EVL: variants seen among roughly 807,000 people sequenced by gnomAD.
The protein encoded by EVL is Enah/Vasp-like.
A neutral mutation model predicts 59.6 loss-of-function variants in EVL; 21 were observed. That is an observed-to-expected ratio of 0.35 (90% CI 0.25 to 0.51). The LOEUF is 0.51. Ranked by LOEUF, EVL falls within the 20% of genes least tolerant of loss-of-function variation. The pLI is 0.97. For missense variants in EVL, 462 were observed against 546.6 expected (o/e 0.85, Z 1.54); for synonymous variants, 198 against 203.5 (o/e 0.97, Z 0.23).
chr14:99,981,183 C>T (rs996462890), intron 1 of EVL, among the ~76,000 whole-genome samples: 1 of 152,014 alleles, frequency 6.6e-6, no homozygotes, highest in African/African-American at 2.4e-5. Flanking sequence ...AATCCCAGCA[C>T]TTTGGGAGTT....
At chr14:100,044,364 G>A (rs1208120467) in intron 1 of EVL, among the ~76,000 whole-genome samples, 2 of 152,142 alleles carry the variant, frequency 1.3e-5, no homozygotes, top group Non-Finnish European at 2.9e-5. Context: ...ACAACACACA[G>A]TATTTCTTAT....
chr14:99,987,849 T>C (rs1039218905), intron 1 of EVL, among the ~76,000 whole-genome samples: 12 of 152,118 alleles, frequency 7.9e-5, no homozygotes, highest in Non-Finnish European at 1.8e-4. Flanking sequence ...TTTCTGGTAT[T>C]TTTGTTATAG....
At chr14:100,043,605 CTTT>C (rs540453599) in intron 1 of EVL, among the ~76,000 whole-genome samples, 3,321 of 127,216 alleles carry the variant, frequency 0.026, 129 homozygotes, top group African/African-American at 0.092. Flanking sequence ...TTTCCTCTGC[CTTT>C]TTTTTTTTTT....
chr14:100,061,974 T>A (rs1015159287), upstream of EVL, among the ~76,000 whole-genome samples: 2 of 151,926 alleles, frequency 1.3e-5, no homozygotes, highest in Non-Finnish European at 2.9e-5. Context: ...AAATTCCATG[T>A]GCAAGTGGAC....
intron 3 of EVL, among the ~76,000 whole-genome samples, chr14:100,104,047 G>A (rs8005181): frequency 0.029 from 4,453 of 152,274 alleles, 242 homozygotes; most frequent in African/African-American, 0.1. Context: ...GTACCTGCCC[G>A]TTGGTTGTTC....
At chr14:100,100,940 A>G (rs937409333) in intron 3 of EVL, among the ~76,000 whole-genome samples, 72 of 152,232 alleles carry the variant, frequency 4.7e-4, no homozygotes, top group African/African-American at 1.5e-3. Flanking sequence ...GATTATCCTC[A>G]TGTGGTAGAG....
At chr14:100,041,639 T>C (rs1334519460) in intron 1 of EVL, among the ~76,000 whole-genome samples, 2 of 152,228 alleles carry the variant, frequency 1.3e-5, no homozygotes, top group Non-Finnish European at 2.9e-5. Context: ...TTATTAGACT[T>C]ATATCCTTCT....
At chr14:99,977,240 TG>T (rs1418983117) in intron 1 of EVL, 1 of 152,180 alleles carries the variant, frequency 6.6e-6, no homozygotes, top group African/African-American at 2.4e-5. Context: ...AATAATTAAT[TG>T]AAAAAAATAG....
At chr14:100,045,134 G>A (rs2061527989) in intron 1 of EVL, among the ~76,000 whole-genome samples, 1 of 152,182 alleles carries the variant, frequency 6.6e-6, no homozygotes, top group South Asian at 2.1e-4. Context: ...CCACTGCTTT[G>A]TAGTACAATA....
At chr14:100,034,497 C>CTTTAGGT (rs2061359673) in intron 1 of EVL, among the ~76,000 whole-genome samples, 1 of 151,962 alleles carries the variant, frequency 6.6e-6, no homozygotes, top group Non-Finnish European at 1.5e-5. Context: ...CAAAATGAAT[C>CTTTAGGT]CCAACACTTT....
At position 100,034,829 on chromosome 14, in the gene EVL, G is replaced by A. The variant is rs898950771; in HGVS notation, c.6-49858G>A. On this transcript the variant is annotated intron_variant, in intron 1 of 13. Transcript: ENST00000402714. ...GCTCCTCCTCTTATTGGTAATTATT[G>A]TGTTATTCTGGGCAAATTATATATT... Among the ~76,000 whole-genome samples, 8 of 152,270 alleles carry A rather than the reference G, an allele frequency of 5.3e-5. No individual in the cohort carries two copies. In the East Asian group the frequency reaches 1.2e-3, roughly 22 times the overall value.
chr14:100,048,139 T>G (rs2061584654), intron 1 of EVL, among the ~76,000 whole-genome samples: 2 of 152,174 alleles, frequency 1.3e-5, no homozygotes, highest in Admixed American at 1.3e-4. Context: ...CAAATTAAAT[T>G]TCATCAAAAA....
intron 3 of EVL, among the ~76,000 whole-genome samples, chr14:100,116,870 C>T (rs1319679884): frequency 5.3e-5 from 8 of 152,342 alleles, no homozygotes; most frequent in African/African-American, 1.4e-4. Flanking sequence ...CTTGGTTCCA[C>T]GCTTCTCACT....
At chr14:100,123,692 A>G (rs909528484) in intron 4 of EVL, 90 bp downstream of exon 4, 1 of 1,344,148 alleles carries the variant, frequency 7.4e-7, no homozygotes, top group Non-Finnish European at 1.1e-6. Flanking sequence ...ATGCACCAGC[A>G]GCCAAGGCCA....
intron 1 of EVL, among the ~76,000 whole-genome samples, chr14:99,985,671 G>A (rs1489928904): frequency 6.6e-6 from 1 of 152,046 alleles, no homozygotes; most frequent in East Asian, 1.9e-4. Context: ...GGAGGCTGAG[G>A]CAGAAGAATC....
chr14:100,008,607 A>T (rs1035038847), intron 1 of EVL, among the ~76,000 whole-genome samples: 1 of 152,212 alleles, frequency 6.6e-6, no homozygotes, highest in African/African-American at 2.4e-5. Context: ...TCCAAGAAAG[A>T]GTTGAATGGC....
At chr14:100,006,804 A>G (rs2060984955) in intron 1 of EVL, among the ~76,000 whole-genome samples, 1 of 130,158 alleles carries the variant, frequency 7.7e-6, no homozygotes, top group Non-Finnish European at 1.5e-5. Flanking sequence ...GGAAGCAAGT[A>G]AAACATCAAA....
intron 3 of EVL, chr14:100,097,865 C>T: frequency 2.1e-6 from 1 of 483,564 alleles, no homozygotes; most frequent in Non-Finnish European, 3.6e-6. Context: ...TATCTCTTTG[C>T]CACTTGTGAG....
rs548369544 is a variant in EVL, at chr14:100,047,888, A to C, written c.6-36799A>C. Among the ~76,000 whole-genome samples the C allele has an allele frequency of 5.9e-5, 9 of 152,360 alleles. No individual in the cohort carries two copies. The South Asian group carries it at 1.7e-3, about 28-fold the overall frequency. ...AGTGAGAAAGTATAGCCTTTTCAGC[A>C]AATGGTACTGGAACAATTGGACACC... On this transcript the variant is annotated intron_variant, in intron 1 of 13. Transcript: ENST00000402714.
Sources: gnomAD v4.1 joint callset for allele counts (sites outside exome capture counted in the v4.1 genomes callset) on GRCh38, gnomAD v4.1.1 for gene constraint, MANE v1.5 for transcripts, NCBI Gene and HGNC (gene_info 2026-07-23, HGNC 2026-07-21) for gene names.